The following TMPRSS11A variants were observed in gnomAD, a reference collection of about 807,000 sequenced individuals.
TMPRSS11A encodes the protein transmembrane protease serine 11A.
Under a neutral mutation model 58.9 loss-of-function variants are expected in TMPRSS11A, and 53 were observed. The ratio of observed to expected loss-of-function variants is 0.90; its 90% CI spans 0.72 to 1.13. The LOEUF (loss-of-function observed/expected upper bound fraction) is 1.13. Ranked by LOEUF, TMPRSS11A falls within the 50% of genes most tolerant of loss-of-function variation. The pLI, the probability that TMPRSS11A is intolerant of heterozygous loss-of-function variation, is 0.00. For synonymous variants in TMPRSS11A, 167 were observed against 169.8 expected (o/e 0.98, Z 0.13); for missense variants, 493 against 499.3 (o/e 0.99, Z 0.12).
intron 9 of TMPRSS11A, among the ~76,000 whole-genome samples, chr4:67,913,447 A>G (rs1467710424): frequency 6.6e-6 from 1 of 152,122 alleles, no homozygotes; most frequent in Non-Finnish European, 1.5e-5. Context: ...GTATTTTTCT[A>G]TGACTAAAGC....
intron 8 of TMPRSS11A, among the ~76,000 whole-genome samples, chr4:67,916,472 T>C (rs1339888442): frequency 1.3e-5 from 2 of 150,094 alleles, no homozygotes; most frequent in African/African-American, 4.9e-5. Context: ...ATATATATTA[T>C]ACACACACAC....
intron 4 of TMPRSS11A, among the ~76,000 whole-genome samples, chr4:67,931,519 G>C (rs913155964): frequency 6.6e-6 from 1 of 152,032 alleles, no homozygotes; most frequent in African/African-American, 2.4e-5. Context: ...ATTACAACAG[G>C]AATATCTTTT....
At chr4:67,937,415 A>G (rs926695723) in intron 3 of TMPRSS11A, among the ~76,000 whole-genome samples, 5 of 152,232 alleles carry the variant, frequency 3.3e-5, no homozygotes, top group African/African-American at 1.2e-4. Context: ...TCTGTCAAGA[A>G]AAAGTTAGCT....
rs1428041458 is a variant in TMPRSS11A, at chr4:67,919,221, G to C, written c.704C>G (p.Pro235Arg). ...TCCAAAACTAACAGTCCATTGATGT[G>C]GATTTTTATACCTGGAAAAGGTTAG... ...AAHCFQKYKN[P>R]HQWTVSFGTK... Residue 235 changes from proline (P) to arginine (R), a missense_variant, in exon 8 of 10, where the codon CCA becomes CGA. Pro to Arg is a moderately radical substitution (Grantham distance 103). Coordinates refer to ENST00000508048, the MANE Select transcript of TMPRSS11A (RefSeq NM_001114387.2). The C allele has an allele frequency of 1.2e-6, 2 of 1,613,500 alleles. No homozygotes were observed. Among genetic ancestry groups the C allele is most frequent in the African/African-American group, 2.7e-5 (2 of 74,966 alleles).
chr4:67,947,923 G>C (rs527915499), intron 1 of TMPRSS11A, among the ~76,000 whole-genome samples: 16 of 152,298 alleles, frequency 1.1e-4, no homozygotes, highest in Non-Finnish European at 2.1e-4. Flanking sequence ...GGATGAGAGA[G>C]AGGATATCTG....
rs145789323 is a variant in TMPRSS11A, at chr4:67,929,506, T to A, written c.481+374A>T. On this transcript the variant is annotated intron_variant, in intron 5 of 9. Coordinates refer to ENST00000508048, the MANE Select transcript of TMPRSS11A (RefSeq NM_001114387.2). Reference sequence around the variant, plus strand: ...TATATAGAAACTATCAATAAAAGTATGGCAACACATGAATTTGTGTTTTAG... The same window carrying A: ...TATATAGAAACTATCAATAAAAGTAAGGCAACACATGAATTTGTGTTTTAG... 1.0e-3 allele frequency among the ~76,000 whole-genome samples: 152 copies of A among 152,296 alleles called. 2 individuals are homozygous for A. Among genetic ancestry groups the A allele is most frequent in the Non-Finnish European group, 2.1e-3 (141 of 68,014 alleles).
At chr4:67,936,334 G>GTTTT (rs33950733) in intron 3 of TMPRSS11A, among the ~76,000 whole-genome samples, 10 of 142,890 alleles carry the variant, frequency 7.0e-5, no homozygotes, top group African/African-American at 1.6e-4. Context: ...AACTCTAGGT[G>GTTTT]TTTTTTTTTT....
chr4:67,926,576 C>T (rs1250239556), intron 5 of TMPRSS11A, among the ~76,000 whole-genome samples: 3 of 152,216 alleles, frequency 2.0e-5, no homozygotes, highest in African/African-American at 7.2e-5. Context: ...CTCACGTGAC[C>T]AGGCAGGACC....
Position 67,910,868 on chromosome 4 carries a change from ATGG to A in TMPRSS11A, c.*471_*473del, listed in dbSNP as rs1719954617. The A allele has an allele frequency of 1.3e-5, 2 of 152,106 alleles. No homozygotes were observed. Among genetic ancestry groups the A allele is most frequent in the South Asian group, 4.1e-4 (2 of 4,832 alleles). 9.4% of individuals were successfully genotyped at this position (152,106 alleles called of 1,614,324 possible). ...TGTAGAAGTAGAAAATTCATTTCTT[ATGG>A]TGGAAAGGTACTTTGGAAAATCTGA... On this transcript the variant is annotated 3_prime_UTR_variant, in exon 10 of 10. Coordinates refer to ENST00000508048, the MANE Select transcript of TMPRSS11A (RefSeq NM_001114387.2).
intron 3 of TMPRSS11A, among the ~76,000 whole-genome samples, chr4:67,942,728 G>T (rs10001655): frequency 6.6e-6 from 1 of 151,904 alleles, no homozygotes; most frequent in Non-Finnish European, 1.5e-5. Flanking sequence ...AATTCTGCTT[G>T]CAGAAGTACT....
At chr4:67,956,345 G>T (rs11131730) in intron 1 of TMPRSS11A, among the ~76,000 whole-genome samples, 1 of 152,004 alleles carries the variant, frequency 6.6e-6, no homozygotes, top group East Asian at 1.9e-4. Flanking sequence ...CATCTGTTCT[G>T]TTTGTAAACA....
chr4:67,942,728 G>C (rs10001655), intron 3 of TMPRSS11A, among the ~76,000 whole-genome samples: 82,788 of 151,954 alleles, frequency 0.54, 23,237 homozygotes, highest in Non-Finnish European at 0.58. Context: ...AATTCTGCTT[G>C]CAGAAGTACT....
chr4:67,947,645 A>G (rs985274), intron 1 of TMPRSS11A, among the ~76,000 whole-genome samples: 51,398 of 152,140 alleles, frequency 0.34, 12,463 homozygotes, highest in African/African-American at 0.68. Flanking sequence ...GCATCACACC[A>G]GGGATAAAAA....
intron 6 of TMPRSS11A, among the ~76,000 whole-genome samples, chr4:67,923,438 T>G (rs1228317820): frequency 6.6e-6 from 1 of 152,232 alleles, no homozygotes. Flanking sequence ...CTTTCAAAAT[T>G]TAGGCCACAG....
At chr4:67,954,424 G>T (rs1309607964) in intron 1 of TMPRSS11A, among the ~76,000 whole-genome samples, 3 of 152,150 alleles carry the variant, frequency 2.0e-5, no homozygotes, top group African/African-American at 7.2e-5. Flanking sequence ...CTTTCCTCTA[G>T]CATCCATCTG....
At chr4:67,960,019 G>C (rs1267234958) in intron 1 of TMPRSS11A, among the ~76,000 whole-genome samples, 1 of 152,270 alleles carries the variant, frequency 6.6e-6, no homozygotes, top group Middle Eastern at 3.4e-3. Flanking sequence ...CAGCAACATA[G>C]ATGAAGCTGG....
chr4:67,929,760 A>T (rs369255451), intron 5 of TMPRSS11A, 120 bp downstream of exon 5: 38 of 995,786 alleles, frequency 3.8e-5, no homozygotes, highest in African/African-American at 1.9e-4. Flanking sequence ...TTTAACTTGA[A>T]TTTTTTCATC....
chr4:67,961,483 C>CTTTCTTTTTTTTTTT lies in TMPRSS11A; in HGVS notation c.11+1899_11+1900insAAAAAAAAAAAGAAA, dbSNP rs1560577100. Among the ~76,000 whole-genome samples, 2 of 7,162 alleles carry CTTTCTTTTTTTTTTT rather than the reference C, an allele frequency of 2.8e-4. 1 individual carries two copies. The allele number at this position is 7,162 out of a possible 152,430, so 4.7% of individuals were successfully genotyped here. ...TTTTCTTTCCTTTCCTTTTCTTTTCCTTTTTTTTTTTTTTTTTTTTTTTTT... is the reference window on the plus strand; with the variant it reads ...TTTTCTTTCCTTTCCTTTTCTTTTCCTTTCTTTTTTTTTTTTTTTTTTTTTTTTTTTTTTTTTTTT... On this transcript the variant is annotated intron_variant, in intron 1 of 9. Coordinates refer to ENST00000508048, the MANE Select transcript of TMPRSS11A (RefSeq NM_001114387.2).
chr4:67,941,491 T>C (rs1224238137), intron 3 of TMPRSS11A, among the ~76,000 whole-genome samples: 3 of 152,230 alleles, frequency 2.0e-5, no homozygotes, highest in African/African-American at 7.2e-5. Context: ...AATTATATCA[T>C]GTCATGATAT....
Sources: gnomAD v4.1 joint callset for allele counts (sites outside exome capture counted in the v4.1 genomes callset) on GRCh38, gnomAD v4.1.1 for gene constraint, MANE v1.5 for transcripts, NCBI Gene and HGNC (gene_info 2026-07-23, HGNC 2026-07-21) for gene names.